STX7: variants seen among roughly 807,000 people sequenced by gnomAD.
The protein encoded by STX7 is syntaxin 7.
Under a neutral mutation model 39.6 loss-of-function variants are expected in STX7, and 34 were observed. The ratio of observed to expected loss-of-function variants is 0.86; its 90% CI spans 0.65 to 1.14. STX7 has a LOEUF of 1.14. Among genes scored for constraint, STX7 ranks in the 50% most tolerant of loss-of-function variants. The pLI is 0.00. For synonymous variants in STX7, 119 were observed against 99.1 expected (o/e 1.20, Z -1.19); for missense variants, 284 against 310.4 (o/e 0.92, Z 0.64).
rs1042571200 is a variant in STX7 at position 132,458,024 on chromosome 6, C to A, written c.*2734G>T. 6.6e-6 allele frequency: 1 copy of A among 152,260 alleles called. No homozygotes were observed. The highest frequency in any genetic ancestry group is 3.4e-3 in the Middle Eastern group (1 of 294). 9.4% of individuals were successfully genotyped at this position (152,260 alleles called of 1,614,324 possible). A position where few individuals can be genotyped will look rare whatever the true frequency, so the allele number is the denominator to read the frequency against. On this transcript the variant is annotated 3_prime_UTR_variant, in exon 10 of 10. Transcript: ENST00000367941. ...CATAAACTATTTTGTACTTTCCTTG[C>A]TAAACCACAGATGTATTTCATGGAA...
chr6:132,510,910 T>C (rs536881303), intron 1 of STX7, among the ~76,000 whole-genome samples: 1 of 152,356 alleles, frequency 6.6e-6, no homozygotes, highest in South Asian at 2.1e-4. Flanking sequence ...TAAAATCCGA[T>C]ATACTGTAGA....
chr6:132,486,329 G>A (rs9493331), intron 2 of STX7, among the ~76,000 whole-genome samples: 2,483 of 152,246 alleles, frequency 0.016, 56 homozygotes, highest in African/African-American at 0.054. Flanking sequence ...CATTAAGTGT[G>A]ACACTCTGTA....
intron 9 of STX7, chr6:132,461,664 A>T: frequency 1.5e-6 from 1 of 661,408 alleles, no homozygotes. Context: ...GAGTTTCCAA[A>T]ATCATTCTCA....
intron 2 of STX7, among the ~76,000 whole-genome samples, chr6:132,497,754 C>T (rs1010551053): frequency 1.3e-5 from 2 of 152,102 alleles, no homozygotes; most frequent in Non-Finnish European, 2.9e-5. Flanking sequence ...TACTTATAAA[C>T]CCACAAAGGC....
chr6:132,492,740 A>G (rs2842893), intron 2 of STX7, among the ~76,000 whole-genome samples: 1 of 152,234 alleles, frequency 6.6e-6, no homozygotes, highest in African/African-American at 2.4e-5. Flanking sequence ...AAGATCAAAA[A>G]CAATGCACAA....
intron 9 of STX7, among the ~76,000 whole-genome samples, chr6:132,461,447 C>G (rs1485723893): frequency 1.3e-5 from 2 of 152,126 alleles, no homozygotes; most frequent in Non-Finnish European, 2.9e-5. Context: ...GCTGGGATTA[C>G]AGGCGCGTGC....
chr6:132,468,327 T>TA, intron 8 of STX7, 76 bp downstream of exon 8: 2 of 1,162,338 alleles, frequency 1.7e-6, no homozygotes, highest in Admixed American at 3.9e-5. Context: ...GTGGTTACTC[T>TA]TCTGTGAGAA....
At chr6:132,500,303 C>T (rs1170229092) in intron 2 of STX7, among the ~76,000 whole-genome samples, 6 of 152,134 alleles carry the variant, frequency 3.9e-5, no homozygotes, top group African/African-American at 9.7e-5. Flanking sequence ...CCCAGCTGAC[C>T]CGCCAGACCC....
intron 2 of STX7, among the ~76,000 whole-genome samples, chr6:132,493,786 C>T (rs1366224325): frequency 6.6e-6 from 1 of 152,136 alleles, no homozygotes; most frequent in Non-Finnish European, 1.5e-5. Flanking sequence ...AAAATCACTA[C>T]AGGAAACCAA....
chr6:132,493,575 T>C (rs377034342), intron 2 of STX7, among the ~76,000 whole-genome samples: 20 of 152,320 alleles, frequency 1.3e-4, no homozygotes, highest in African/African-American at 4.8e-4. Flanking sequence ...TTTTCCTTCG[T>C]CTTCCGCCAT....
intron 2 of STX7, among the ~76,000 whole-genome samples, chr6:132,481,790 C>A (rs1775021861): frequency 6.6e-6 from 1 of 152,100 alleles, no homozygotes; most frequent in African/African-American, 2.4e-5. Flanking sequence ...GCAGCAGCAA[C>A]AAATGCTATA....
In STX7 at chr6:132,453,844, G is replaced by A. The variant is rs1375507946; in HGVS notation, c.*6914C>T. 1 of 151,722 alleles carries A rather than the reference G, an allele frequency of 6.6e-6. No homozygotes were observed. The highest frequency in any genetic ancestry group is 2.4e-5 in the African/African-American group (1 of 41,314). The allele number at this position is 151,722 out of a possible 1,614,324, so 9.4% of individuals were successfully genotyped here. A position where few individuals can be genotyped will look rare whatever the true frequency, so the allele number is the denominator to read the frequency against. ...ACACCACTGGTGGGTATATAAAATA[G>A]TACAGCTACTTGGTATAAGTTTGGC... On this transcript the variant is annotated 3_prime_UTR_variant, in exon 10 of 10. Coordinates refer to ENST00000367941, the MANE Select transcript of STX7 (RefSeq NM_003569.3).
rs1774373317 is a variant in STX7 at position 132,460,762 on chromosome 6, T to A, written c.782A>T (p.His261Leu). 6.2e-7 allele frequency: 1 copy of A among 1,609,254 alleles called. No homozygotes were observed. The highest frequency in any genetic ancestry group is 8.5e-7 in the Non-Finnish European group (1 of 1,176,268). ...IISLIIWGLN[H>L] ...ACAGTGTGCTCCTTTATAACTTCAG[T>A]GGTTCAATCCCCATATGATGAGACT... The change falls in exon 10 of 10, where the codon CAC (histidine) becomes CTC (leucine). Residue 261 changes from histidine (H) to leucine (L), a missense_variant. Physicochemically the swap from His to Leu is moderately conservative, Grantham distance 99. Transcript: ENST00000367941.
intron 1 of STX7, among the ~76,000 whole-genome samples, chr6:132,505,673 A>G (rs574961469): frequency 3.3e-5 from 5 of 151,072 alleles, no homozygotes; most frequent in Non-Finnish European, 7.4e-5. Flanking sequence ...ATGGGGATTC[A>G]ATGACACCAA....
chr6:132,509,508 A>AC (rs1775794444), intron 1 of STX7, among the ~76,000 whole-genome samples: 1 of 136,656 alleles, frequency 7.3e-6, no homozygotes. Flanking sequence ...ATAACATAAC[A>AC]TAACATAAAA....
At chr6:132,493,172 G>T (rs953662609) in intron 2 of STX7, among the ~76,000 whole-genome samples, 2 of 152,100 alleles carry the variant, frequency 1.3e-5, no homozygotes, top group African/African-American at 4.8e-5. Flanking sequence ...TAATGATAAT[G>T]ATACTATAAT....
chr6:132,469,051 GT>G (rs1391058237), intron 7 of STX7, among the ~76,000 whole-genome samples: 1 of 152,126 alleles, frequency 6.6e-6, no homozygotes, highest in African/African-American at 2.4e-5. Context: ...GCTTCATAAA[GT>G]TTTTATAAGG....
At chr6:132,469,237 T>C (rs963642961) in intron 7 of STX7, among the ~76,000 whole-genome samples, 10 of 152,174 alleles carry the variant, frequency 6.6e-5, no homozygotes, top group Admixed American at 6.5e-4. Context: ...GTCATAAACA[T>C]AGTAAAGAGA....
chr6:132,497,247 C>T (rs980621062), intron 2 of STX7, among the ~76,000 whole-genome samples: 7 of 152,044 alleles, frequency 4.6e-5, no homozygotes, highest in South Asian at 4.1e-4. Context: ...TATACAGTAA[C>T]GAAAACAAAT....
Sources: allele counts gnomAD v4.1 joint callset (sites outside exome capture counted in the v4.1 genomes callset), GRCh38; gene constraint gnomAD v4.1.1; transcripts MANE v1.5; gene names NCBI Gene and HGNC (gene_info 2026-07-23, HGNC 2026-07-21).